MRTFA: variants seen among roughly 807,000 people sequenced by gnomAD.
MRTFA encodes myocardin-related transcription factor A.
Under a neutral mutation model 83.5 loss-of-function variants are expected in MRTFA, and 20 were observed. That is an observed-to-expected ratio of 0.24 (90% CI 0.17 to 0.35). The LOEUF (loss-of-function observed/expected upper bound fraction) is 0.35, where lower values mean the gene tolerates loss of function less well. Among genes scored for constraint, MRTFA ranks in the 10% least tolerant of loss-of-function variants. MRTFA has a pLI of 1.00. For missense variants in MRTFA, 1,200 were observed against 1,224.7 expected (o/e 0.98, Z 0.30); for synonymous variants, 659 against 541.2 (o/e 1.22, Z -3.02).
chr22:40,611,255 T>G (rs1429674169), intron 1 of MRTFA, among the ~76,000 whole-genome samples: 1 of 150,770 alleles, frequency 6.6e-6, no homozygotes, highest in Non-Finnish European at 1.5e-5. Context: ...TACTTTTTAT[T>G]TTTAGAGGTC....
chr22:40,620,988 C>T (rs1297114945), intron 1 of MRTFA, among the ~76,000 whole-genome samples: 2 of 151,930 alleles, frequency 1.3e-5, no homozygotes, highest in African/African-American at 4.8e-5. Flanking sequence ...TCAAGACCAG[C>T]CTGGGCAACA....
At chr22:40,549,808 T>C (rs950873691) in intron 3 of MRTFA, among the ~76,000 whole-genome samples, 8 of 152,182 alleles carry the variant, frequency 5.3e-5, no homozygotes, top group Non-Finnish European at 5.9e-5. Flanking sequence ...TCCCAGCACT[T>C]TGGGGGGCCA....
intron 1 of MRTFA, among the ~76,000 whole-genome samples, chr22:40,617,561 C>A (rs888501416): frequency 2.6e-5 from 4 of 151,686 alleles, no homozygotes; most frequent in African/African-American, 9.7e-5. Flanking sequence ...CCCGTTTCTA[C>A]TAAAAAATAC....
intron 2 of MRTFA, among the ~76,000 whole-genome samples, chr22:40,561,244 G>C (rs2055612704): frequency 6.6e-6 from 1 of 150,770 alleles, no homozygotes; most frequent in Non-Finnish European, 1.5e-5. Context: ...GTAAAATCTG[G>C]TATGAAGGAA....
chr22:40,589,638 GA>G (rs1418716912), intron 2 of MRTFA, among the ~76,000 whole-genome samples: 2 of 152,288 alleles, frequency 1.3e-5, no homozygotes, highest in African/African-American at 4.8e-5. Context: ...GTACAACTGT[GA>G]AAAGGTTGTC....
At chr22:40,455,374 C>T (rs1303510100) in intron 4 of MRTFA, among the ~76,000 whole-genome samples, 2 of 151,730 alleles carry the variant, frequency 1.3e-5, no homozygotes, top group Admixed American at 6.6e-5. Flanking sequence ...CGGCCGGGTG[C>T]GGTGGCTCAC....
chr22:40,417,451 G>A lies in MRTFA; in HGVS notation c.2407C>T (p.Gln803Ter). The change falls in exon 13 of 15, where the codon CAG (glutamine) becomes TAG (stop). Residue 803 changes from glutamine (Q) to a stop codon, truncating the protein, a stop_gained. Coordinates refer to ENST00000355630, the MANE Select transcript of MRTFA (RefSeq NM_020831.6). LOFTEE classifies it high-confidence loss of function. ...TGCAGTGGGTGCTCCAGGTCCATCT[G>A]GGCAGAGGGGGCAGGCGCTGGAGAG... 1 of 1,599,792 alleles carries A rather than the reference G, an allele frequency of 6.3e-7. No homozygotes were observed. Among genetic ancestry groups the A allele is most frequent in the Non-Finnish European group, 8.5e-7 (1 of 1,174,024 alleles).
intron 5 of MRTFA, among the ~76,000 whole-genome samples, chr22:40,432,114 C>T (rs1277241652): frequency 1.3e-5 from 2 of 152,096 alleles, no homozygotes; most frequent in East Asian, 3.9e-4. Context: ...GATGTGGTGG[C>T]TGGCGCCTGT....
At chr22:40,616,731 A>T (rs901570002) in intron 1 of MRTFA, among the ~76,000 whole-genome samples, 1 of 152,146 alleles carries the variant, frequency 6.6e-6, no homozygotes, top group African/African-American at 2.4e-5. Flanking sequence ...GAGGATTAAG[A>T]GTTCACTTTG....
At chr22:40,594,246 C>T (rs2056160331) in intron 2 of MRTFA, among the ~76,000 whole-genome samples, 1 of 152,182 alleles carries the variant, frequency 6.6e-6, no homozygotes, top group African/African-American at 2.4e-5. Context: ...ATTTAGTCTA[C>T]CATTCACACA....
intron 2 of MRTFA, among the ~76,000 whole-genome samples, chr22:40,572,612 G>A (rs56411183): frequency 0.081 from 12,352 of 151,890 alleles, 746 homozygotes; most frequent in East Asian, 0.25. Flanking sequence ...CTCCATTTTC[G>A]TGCTGCTGAT....
At chr22:40,542,427 T>C (rs2055306421) in intron 3 of MRTFA, among the ~76,000 whole-genome samples, 1 of 152,222 alleles carries the variant, frequency 6.6e-6, no homozygotes, top group Non-Finnish European at 1.5e-5. Context: ...CATCTAACTC[T>C]TTGTTGAGTC....
At chr22:40,414,535 T>G (rs775852197) in intron 14 of MRTFA, among the ~76,000 whole-genome samples, 5 of 152,162 alleles carry the variant, frequency 3.3e-5, no homozygotes, top group Non-Finnish European at 7.4e-5. Context: ...CAGGGTATGA[T>G]TCAGCCTTTA....
chr22:40,477,340 A>T (rs2147178444), intron 3 of MRTFA, among the ~76,000 whole-genome samples: 1 of 151,936 alleles, frequency 6.6e-6, no homozygotes, highest in South Asian at 2.1e-4. Context: ...ACAGAGTGAG[A>T]CTCGGTCTCA....
intron 3 of MRTFA, among the ~76,000 whole-genome samples, chr22:40,479,819 A>T (rs2054057619): frequency 6.6e-6 from 1 of 152,194 alleles, no homozygotes; most frequent in Non-Finnish European, 1.5e-5. Flanking sequence ...CTGATAAGGA[A>T]TACTCTTATA....
At chr22:40,487,905 C>A (rs758422008) in intron 3 of MRTFA, among the ~76,000 whole-genome samples, 3 of 152,090 alleles carry the variant, frequency 2.0e-5, no homozygotes, top group Non-Finnish European at 4.4e-5. Flanking sequence ...GATTAACTCA[C>A]CTAATGCATA....
At chr22:40,446,812 G>A (rs960905319) in intron 4 of MRTFA, among the ~76,000 whole-genome samples, 11 of 152,182 alleles carry the variant, frequency 7.2e-5, no homozygotes, top group African/African-American at 2.7e-4. Context: ...TTACAGATGT[G>A]CTAACAGTTC....
chr22:40,598,663 G>GC (rs1183330587), intron 1 of MRTFA, among the ~76,000 whole-genome samples: 1 of 151,862 alleles, frequency 6.6e-6, no homozygotes, highest in Non-Finnish European at 1.5e-5. Context: ...AGATGTGTGT[G>GC]CCCCCCCAAA....
intron 3 of MRTFA, among the ~76,000 whole-genome samples, chr22:40,480,615 A>T (rs762250770): frequency 6.6e-6 from 1 of 152,102 alleles, no homozygotes; most frequent in Non-Finnish European, 1.5e-5. Context: ...TTCCAAAAGG[A>T]ATCGAGATTT....
Sources: gnomAD v4.1 joint callset for allele counts (sites outside exome capture counted in the v4.1 genomes callset) on GRCh38, gnomAD v4.1.1 for gene constraint, MANE v1.5 for transcripts, NCBI Gene and HGNC (gene_info 2026-07-23, HGNC 2026-07-21) for gene names.